The following GALNT17 variants were observed in gnomAD, a reference collection of about 807,000 sequenced individuals.
GALNT17 encodes UDP-GalNAc:polypeptide N-acetylgalactosaminyltransferase-like 3.
Under a neutral mutation model 63.7 loss-of-function variants are expected in GALNT17, and 29 were observed. The ratio of observed to expected loss-of-function variants is 0.46; its 90% CI spans 0.34 to 0.62. The LOEUF (loss-of-function observed/expected upper bound fraction) is 0.62, where lower values mean the gene tolerates loss of function less well. Ranked by LOEUF, GALNT17 falls within the 20% of genes least tolerant of loss-of-function variation. GALNT17 has a pLI of 0.01. For synonymous variants in GALNT17, 305 were observed against 318.3 expected (o/e 0.96, Z 0.45); for missense variants, 603 against 799.6 (o/e 0.75, Z 2.97).
intron 5 of GALNT17, among the ~76,000 whole-genome samples, chr7:71,473,504 G>T (rs922082667): frequency 6.6e-6 from 1 of 152,148 alleles, no homozygotes; most frequent in Non-Finnish European, 1.5e-5. Flanking sequence ...CCAGAGTCAG[G>T]TTGCAATTTG....
At chr7:71,286,534 C>T (rs917544940) in intron 1 of GALNT17, among the ~76,000 whole-genome samples, 2 of 151,816 alleles carry the variant, frequency 1.3e-5, no homozygotes, top group Non-Finnish European at 2.9e-5. Context: ...GAAACACGCT[C>T]TGGGCTTGCC....
At chr7:71,286,499 A>G (rs1203577982) in intron 1 of GALNT17, among the ~76,000 whole-genome samples, 1 of 152,182 alleles carries the variant, frequency 6.6e-6, no homozygotes, top group Non-Finnish European at 1.5e-5. Context: ...AGACAGGGCC[A>G]GTATTATTCC....
At chr7:71,509,656 C>G (rs1788322618) in intron 5 of GALNT17, among the ~76,000 whole-genome samples, 1 of 152,090 alleles carries the variant, frequency 6.6e-6, no homozygotes, top group African/African-American at 2.4e-5. Context: ...TTGGGATGCT[C>G]CCAAAGAGCC....
At chr7:71,518,302 C>T (rs1168709851) in intron 5 of GALNT17, among the ~76,000 whole-genome samples, 1 of 152,202 alleles carries the variant, frequency 6.6e-6, no homozygotes, top group Non-Finnish European at 1.5e-5. Context: ...TTTCCTGTTT[C>T]CCTTGGTTTC....
intron 1 of GALNT17, among the ~76,000 whole-genome samples, chr7:71,163,306 A>G (rs995116094): frequency 6.6e-6 from 1 of 152,194 alleles, no homozygotes; most frequent in African/African-American, 2.4e-5. Flanking sequence ...GATGTTGTCC[A>G]GAGAGTTGGA....
intron 5 of GALNT17, among the ~76,000 whole-genome samples, chr7:71,545,471 C>T (rs1219474910): frequency 6.6e-6 from 1 of 152,156 alleles, no homozygotes; most frequent in Non-Finnish European, 1.5e-5. Flanking sequence ...CATGCTTCAG[C>T]CTCCTGAGTA....
At chr7:71,525,243 G>A (rs887114677) in intron 5 of GALNT17, among the ~76,000 whole-genome samples, 11 of 152,024 alleles carry the variant, frequency 7.2e-5, no homozygotes, top group Non-Finnish European at 1.0e-4. Context: ...TGGTGTGATC[G>A]CTGCTCACTG....
intron 1 of GALNT17, among the ~76,000 whole-genome samples, chr7:71,282,266 C>T (rs1790791552): frequency 6.6e-6 from 1 of 152,200 alleles, no homozygotes; most frequent in South Asian, 2.1e-4. Context: ...CTCTGCAGCC[C>T]ACCTTATTTC....
chr7:71,648,642 G>C lies in GALNT17; in HGVS notation c.1081-16769G>C, dbSNP rs181944780. ...CAGAGAGATGGGATCTTGCTATGTT[G>C]CCCAGGCCGGTCTTGAACTCTCGGT... On this transcript the variant is annotated intron_variant, in intron 6 of 10. Coordinates refer to ENST00000333538, the MANE Select transcript of GALNT17 (RefSeq NM_022479.3). 5.3e-5 allele frequency among the ~76,000 whole-genome samples: 8 copies of C among 152,062 alleles called. No homozygotes were observed. The East Asian group carries it at 1.4e-3, about 26-fold the overall frequency.
At chr7:71,315,659 T>C (rs1435365606) in intron 1 of GALNT17, among the ~76,000 whole-genome samples, 1 of 152,134 alleles carries the variant, frequency 6.6e-6, no homozygotes, top group African/African-American at 2.4e-5. Flanking sequence ...AGAAAAAACA[T>C]GCAATCACTG....
At chr7:71,280,694 G>T (rs1437325048) in intron 1 of GALNT17, among the ~76,000 whole-genome samples, 1 of 152,188 alleles carries the variant, frequency 6.6e-6, no homozygotes, top group Non-Finnish European at 1.5e-5. Context: ...TGTCTCCAGT[G>T]TGATAGATAA....
At chr7:71,502,797 G>C (rs1563140333) in intron 5 of GALNT17, among the ~76,000 whole-genome samples, 1 of 152,126 alleles carries the variant, frequency 6.6e-6, no homozygotes, top group Non-Finnish European at 1.5e-5. Flanking sequence ...TTGTAGATTT[G>C]TGAACAAATA....
rs370953491 is a variant in GALNT17 at position 71,585,417 on chromosome 7, C to T, written c.1080+14015C>T. Among the ~76,000 whole-genome samples the T allele has an allele frequency of 1.4e-4, 21 of 152,316 alleles. 1 individual carries two copies. In the East Asian group the frequency reaches 3.1e-3, roughly 22 times the overall value. The stretch of plus-strand genomic sequence containing the variant: ...ATTTTTAGACTCTACACTCATTCTG[C>T]ATTTATAAGCTGTAATTCTTCCATT... On this transcript the variant is annotated intron_variant, in intron 6 of 10. Coordinates refer to ENST00000333538, the MANE Select transcript of GALNT17 (RefSeq NM_022479.3).
intron 3 of GALNT17, among the ~76,000 whole-genome samples, chr7:71,411,485 C>A (rs942010274): frequency 2.0e-5 from 3 of 152,078 alleles, no homozygotes; most frequent in African/African-American, 7.2e-5. Flanking sequence ...GCCTGGGGGC[C>A]TTGTTTTACT....
In GALNT17 at chr7:71,161,226, T is replaced by C. The variant is rs75839308; in HGVS notation, c.238+28186T>C. Among the ~76,000 whole-genome samples the C allele has an allele frequency of 5.2e-3, 794 of 152,322 alleles. 6 individuals are homozygous for C. The highest frequency in any genetic ancestry group is 0.017 in the African/African-American group (712 of 41,570). ...TGTGTCACCTTATCCTCTCCCACAG[T>C]GAATAGATATTATAATTTAAAAACC... On this transcript the variant is annotated intron_variant, in intron 1 of 10. Coordinates refer to ENST00000333538, the MANE Select transcript of GALNT17 (RefSeq NM_022479.3).
At chr7:71,158,003 A>G (rs1361353304) in intron 1 of GALNT17, among the ~76,000 whole-genome samples, 2 of 151,800 alleles carry the variant, frequency 1.3e-5, no homozygotes, top group Non-Finnish European at 2.9e-5. Context: ...TGTATATGAC[A>G]TATTTTCATT....
At chr7:71,426,781 A>G (rs947253003) in intron 5 of GALNT17, among the ~76,000 whole-genome samples, 2 of 151,902 alleles carry the variant, frequency 1.3e-5, no homozygotes, top group Non-Finnish European at 2.9e-5. Flanking sequence ...TTAGCTGGGC[A>G]TGGTGATGCA....
intron 1 of GALNT17, among the ~76,000 whole-genome samples, chr7:71,181,885 A>T (rs1224169053): frequency 2.9e-4 from 24 of 83,846 alleles, no homozygotes; most frequent in Admixed American, 4.2e-4. Context: ...TCTTAAAAGG[A>T]AAAAAAAAAG....
intron 5 of GALNT17, among the ~76,000 whole-genome samples, chr7:71,541,944 A>G (rs1319561758): frequency 4.6e-5 from 7 of 152,242 alleles, no homozygotes; most frequent in Admixed American, 3.9e-4. Context: ...TTATTTAAGC[A>G]GAACAGTTGC....
Sources: gnomAD v4.1 joint callset for allele counts (sites outside exome capture counted in the v4.1 genomes callset) on GRCh38, gnomAD v4.1.1 for gene constraint, MANE v1.5 for transcripts, NCBI Gene and HGNC (gene_info 2026-07-23, HGNC 2026-07-21) for gene names.